FLVCR1: variants seen among roughly 807,000 people sequenced by gnomAD.
FLVCR1 encodes the protein FLVCR choline and heme transporter 1.
A neutral mutation model predicts 53.6 loss-of-function variants in FLVCR1; 34 were observed. The ratio of observed to expected loss-of-function variants is 0.63; its 90% CI spans 0.48 to 0.84. The LOEUF is 0.84. Among genes scored for constraint, FLVCR1 ranks in the 40% least tolerant of loss-of-function variants. The pLI is 0.00. For synonymous variants in FLVCR1, 300 were observed against 286.3 expected (o/e 1.05, Z -0.48); for missense variants, 677 against 696.7 (o/e 0.97, Z 0.32).
chr1:212,866,427 CTCTT>C (rs1440378743), intron 2 of FLVCR1, among the ~76,000 whole-genome samples: 12 of 151,684 alleles, frequency 7.9e-5, no homozygotes, highest in East Asian at 1.9e-4. Flanking sequence ...GGCCAAAATT[CTCTT>C]TCTTTTGATT....
chr1:212,886,597 C>T (rs1160841586), intron 5 of FLVCR1, among the ~76,000 whole-genome samples: 6 of 151,868 alleles, frequency 4.0e-5, no homozygotes, highest in Admixed American at 2.0e-4. Flanking sequence ...GCCAGGAGTT[C>T]GAGACCAGCT....
intron 2 of FLVCR1, among the ~76,000 whole-genome samples, chr1:212,870,464 C>T (rs568681346): frequency 3.9e-5 from 6 of 152,194 alleles, no homozygotes; most frequent in South Asian, 2.1e-4. Context: ...GTTTCTTTGG[C>T]TTCATCCTGG....
chr1:212,872,214 A>G (rs1469524824), intron 2 of FLVCR1, among the ~76,000 whole-genome samples: 3 of 152,096 alleles, frequency 2.0e-5, no homozygotes, highest in Admixed American at 6.6e-5. Flanking sequence ...TCCCAGGCTC[A>G]AGGGTTCTTC....
chr1:212,891,359 G>T (rs1476135108), intron 8 of FLVCR1, among the ~76,000 whole-genome samples: 8 of 108,138 alleles, frequency 7.4e-5, no homozygotes, highest in Admixed American at 6.9e-4. Context: ...CAGAAGAATT[G>T]CTTGAATCCG....
chr1:212,859,570 T>C (rs1664155237), intron 1 of FLVCR1, among the ~76,000 whole-genome samples: 1 of 151,840 alleles, frequency 6.6e-6, no homozygotes, highest in African/African-American at 2.4e-5. Context: ...ATACAGAAAT[T>C]AGCCAGGCCT....
At chr1:212,889,053 T>G in intron 7 of FLVCR1, 93 bp from the exon 8 acceptor site, 1 of 972,686 alleles carries the variant, frequency 1.0e-6, no homozygotes, top group Non-Finnish European at 1.6e-6. Flanking sequence ...AACCAAATCA[T>G]ATAACCAAAA....
chr1:212,858,572 C>A lies in FLVCR1; in HGVS notation c.120C>A (p.Asn40Lys). Reference sequence around the variant, plus strand: ...GGAAGGAGAGCGTGGAGCTGCAGAACGGGCCCAAAGCGGGCACCTTCCCGG... The same window carrying A: ...GGAAGGAGAGCGTGGAGCTGCAGAAAGGGCCCAAAGCGGGCACCTTCCCGG... ...PVGKESVELQ[N>K]GPKAGTFPVN... Residue 40 changes from asparagine (N) to lysine (K), a missense_variant, in exon 1 of 10, where the codon AAC becomes AAA. Transcript: ENST00000366971. 1 of 1,488,514 alleles carries A rather than the reference C, an allele frequency of 6.7e-7. No individual in the cohort carries two copies. Among genetic ancestry groups the A allele is most frequent in the Non-Finnish European group, 8.9e-7 (1 of 1,119,414 alleles). The allele number at this position is 1,488,514 out of a possible 1,614,324, so 92.2% of individuals were successfully genotyped here.
At position 212,899,017 on chromosome 1, in the gene FLVCR1, C is replaced by T. The variant is rs1418680312; in HGVS notation, c.*3727C>T. 1 of 152,116 alleles carries T rather than the reference C, an allele frequency of 6.6e-6. No individual in the cohort carries two copies. 9.4% of individuals were successfully genotyped at this position (152,116 alleles called of 1,614,324 possible). ...TTATAGGATCTCTGTCATATGTGGTCAATTGTTGATCGAAACATGACTGTA... is the reference window on the plus strand; with the variant it reads ...TTATAGGATCTCTGTCATATGTGGTTAATTGTTGATCGAAACATGACTGTA... On this transcript the variant is annotated 3_prime_UTR_variant, in exon 10 of 10. Coordinates refer to ENST00000366971, the MANE Select transcript of FLVCR1 (RefSeq NM_014053.4).
At chr1:212,869,083 C>T (rs1053018933) in intron 2 of FLVCR1, among the ~76,000 whole-genome samples, 1 of 152,064 alleles carries the variant, frequency 6.6e-6, no homozygotes, top group South Asian at 2.1e-4. Context: ...TGTTAAAATA[C>T]GGTTTTAAAA....
rs886045926 is a variant in FLVCR1, at chr1:212,859,063, T to G, written c.611T>G (p.Met204Arg). 1.2e-6 allele frequency: 2 copies of G among 1,613,298 alleles called. No homozygotes were observed. Among genetic ancestry groups the G allele is most frequent in the Non-Finnish European group, 8.5e-7 (1 of 1,179,532 alleles). The part of the protein sequence containing the change: ...SVQQHLFWVT[M>R]LGQCLCSVAQ... ...CAGCAGCATCTCTTCTGGGTCACCA[T>G]GTTGGGCCAGTGCTTGTGCTCGGTG... is the stretch of plus-strand genomic sequence containing the variant. The change falls in exon 1 of 10, where the codon ATG becomes AGG. Residue 204 changes from methionine to arginine, a missense_variant. Coordinates refer to ENST00000366971, the MANE Select transcript of FLVCR1 (RefSeq NM_014053.4).
At chr1:212,875,044 T>C (rs1003348260) in intron 3 of FLVCR1, among the ~76,000 whole-genome samples, 3 of 152,232 alleles carry the variant, frequency 2.0e-5, no homozygotes, top group African/African-American at 7.2e-5. Context: ...TAAGCAATCC[T>C]ATAAGAGCTG....
chr1:212,888,251 A>G (rs1289971382), intron 6 of FLVCR1, among the ~76,000 whole-genome samples: 1 of 152,240 alleles, frequency 6.6e-6, no homozygotes, highest in East Asian at 1.9e-4. Context: ...ATTTGGTTAC[A>G]ATCAACTTAT....
chr1:212,860,454 C>T (rs1028976518), intron 1 of FLVCR1, among the ~76,000 whole-genome samples: 9 of 149,448 alleles, frequency 6.0e-5, no homozygotes, highest in Admixed American at 2.0e-4. Flanking sequence ...TCCCGAAGTG[C>T]TGGGATTACA....
intron 1 of FLVCR1, among the ~76,000 whole-genome samples, chr1:212,861,819 G>A (rs949481395): frequency 1.3e-5 from 2 of 151,854 alleles, no homozygotes; most frequent in African/African-American, 2.4e-5. Context: ...ACAGGCACCC[G>A]CCTCCACACC....
chr1:212,869,639 G>T (rs565376514), intron 2 of FLVCR1, among the ~76,000 whole-genome samples: 1 of 152,202 alleles, frequency 6.6e-6, no homozygotes, highest in Non-Finnish European at 1.5e-5. Flanking sequence ...CGCCTCCTGG[G>T]TTCAAGTGAT....
At chr1:212,873,386 G>A (rs1275155334) in intron 3 of FLVCR1, among the ~76,000 whole-genome samples, 1 of 152,102 alleles carries the variant, frequency 6.6e-6, no homozygotes, top group East Asian at 1.9e-4. Context: ...GAGTTCTCAT[G>A]GAGTATTTTA....
At chr1:212,883,109 C>CA (rs1468497238) in intron 3 of FLVCR1, among the ~76,000 whole-genome samples, 1 of 152,104 alleles carries the variant, frequency 6.6e-6, no homozygotes, top group East Asian at 1.9e-4. Flanking sequence ...CAGTATATCT[C>CA]AATCTAAATA....
intron 3 of FLVCR1, among the ~76,000 whole-genome samples, chr1:212,882,338 A>ACTG (rs1664953129): frequency 6.6e-6 from 1 of 152,204 alleles, no homozygotes; most frequent in African/African-American, 2.4e-5. Context: ...ATCAACATGG[A>ACTG]TACATCTCAA....
rs147082806 is a variant in FLVCR1, at chr1:212,893,056, C to CTTTT, written c.1526-1924_1526-1921dup. On this transcript the variant is annotated intron_variant, in intron 8 of 9. Transcript: ENST00000366971. ...AACCTGAAGAAATGAAGGGTTGCTTCTTTTTTTTTGGGGGGGGGTGCCGGA... is the reference window on the plus strand; with the variant it reads ...AACCTGAAGAAATGAAGGGTTGCTTCTTTTTTTTTTTTTGGGGGGGGGTGCCGGA... Among the ~76,000 whole-genome samples the CTTTT allele has an allele frequency of 3.3e-3, 398 of 121,406 alleles. 3 individuals are homozygous for CTTTT. The highest frequency in any genetic ancestry group is 7.9e-3 in the Middle Eastern group (2 of 254). 79.6% of individuals were successfully genotyped at this position (121,406 alleles called of 152,430 possible). A position where few individuals can be genotyped will look rare whatever the true frequency, so the allele number is the denominator to read the frequency against.
Sources: gnomAD v4.1 joint callset for allele counts (sites outside exome capture counted in the v4.1 genomes callset) on GRCh38, gnomAD v4.1.1 for gene constraint, MANE v1.5 for transcripts, NCBI Gene and HGNC (gene_info 2026-07-23, HGNC 2026-07-21) for gene names.